Variants in INTS15 observed in about 807,000 individuals in gnomAD.
INTS15 encodes the protein integrator complex subunit 15, also known as uncharacterized protein C7orf26.
chr7:6,597,101 CT>C, the INTS15 span, among the ~76,000 whole-genome samples: 6 of 152,182 alleles, frequency 3.9e-5, no homozygotes, highest in Non-Finnish European at 7.3e-5. Flanking sequence ...TCATACTCTT[CT>C]TTTCCTAGCA....
chr7:6,596,202 C>A, the INTS15 span, among the ~76,000 whole-genome samples: 1 of 151,698 alleles, frequency 6.6e-6, no homozygotes, highest in East Asian at 1.9e-4. Flanking sequence ...ACTACAGGCG[C>A]GCACCACCAT....
At chr7:6,602,656 A>C in the INTS15 span, 1 of 470,634 alleles carries the variant, frequency 2.1e-6, no homozygotes, top group South Asian at 1.5e-5. Context: ...CTGTTCCCTG[A>C]CTCACAGGAC....
the INTS15 span, among the ~76,000 whole-genome samples, chr7:6,593,336 T>G: frequency 6.6e-6 from 1 of 150,938 alleles, no homozygotes; most frequent in Non-Finnish European, 1.5e-5. Flanking sequence ...GTGGTTTTTT[T>G]TTTTTTTTTT....
the INTS15 span, chr7:6,590,358 C>A: frequency 1.2e-6 from 2 of 1,606,704 alleles, no homozygotes; most frequent in Non-Finnish European, 1.7e-6. Context: ...ACCACCTGGA[C>A]ATCTACTTCA....
At chr7:6,592,934 T>G in the INTS15 span, among the ~76,000 whole-genome samples, 1 of 152,064 alleles carries the variant, frequency 6.6e-6, no homozygotes, top group Non-Finnish European at 1.5e-5. Flanking sequence ...TAAGAGAAAT[T>G]TAGCAAGTAC....
chr7:6,598,447 C>T, the INTS15 span, among the ~76,000 whole-genome samples: 76 of 126,432 alleles, frequency 6.0e-4, no homozygotes, highest in Admixed American at 7.4e-3. Flanking sequence ...CCAGCCTGGA[C>T]AACAGAGTGG....
the INTS15 span, among the ~76,000 whole-genome samples, chr7:6,598,879 C>T: frequency 6.6e-6 from 1 of 151,638 alleles, no homozygotes; most frequent in African/African-American, 2.4e-5. Flanking sequence ...CTTCACCTCC[C>T]AGTATCAAGT....
the INTS15 span, chr7:6,601,990 T>C: frequency 2.2e-5 from 20 of 921,882 alleles, no homozygotes; most frequent in Middle Eastern, 2.1e-4. Context: ...TAGGGAAATG[T>C]AGTATGAGGC....
At chr7:6,594,544 C>T in the INTS15 span, 4 of 1,614,066 alleles carry the variant, frequency 2.5e-6, no homozygotes, top group Non-Finnish European at 3.4e-6. Flanking sequence ...AGTGCCAGCC[C>T]GAGATTCTGC....
chr7:6,593,663 T>C, the INTS15 span, among the ~76,000 whole-genome samples: 107 of 150,538 alleles, frequency 7.1e-4, no homozygotes, highest in Non-Finnish European at 1.2e-3. Flanking sequence ...TTTTTTTTTT[T>C]TTTGAGACGG....
chr7:6,597,998 C>G, the INTS15 span, among the ~76,000 whole-genome samples: 1 of 152,192 alleles, frequency 6.6e-6, no homozygotes, highest in Non-Finnish European at 1.5e-5. Context: ...ACTGAGGACT[C>G]ATGAAGCGAA....
the INTS15 span, among the ~76,000 whole-genome samples, chr7:6,592,581 T>C: frequency 1.3e-5 from 2 of 152,034 alleles, no homozygotes; most frequent in African/African-American, 4.8e-5. Flanking sequence ...AAAAAACTTT[T>C]TTTTTAAATT....
the INTS15 span, among the ~76,000 whole-genome samples, chr7:6,598,611 G>A: frequency 6.6e-6 from 1 of 152,114 alleles, no homozygotes; most frequent in African/African-American, 2.4e-5. Context: ...CCAGAGAGAG[G>A]GGGCTGAGGA....
the INTS15 span, chr7:6,594,358 G>A: frequency 6.9e-7 from 1 of 1,449,952 alleles, no homozygotes. Flanking sequence ...TCTGGAGGTG[G>A]TCACTGTGTG....
the INTS15 span, among the ~76,000 whole-genome samples, chr7:6,592,428 G>A: frequency 5.0e-4 from 76 of 151,112 alleles, 1 homozygote; most frequent in East Asian, 0.012. Context: ...TTAGCCAGGC[G>A]TGGTAGCACG....
the INTS15 span, among the ~76,000 whole-genome samples, chr7:6,597,111 C>T: frequency 6.6e-6 from 1 of 152,170 alleles, no homozygotes; most frequent in Non-Finnish European, 1.5e-5. Flanking sequence ...CTTTTCCTAG[C>T]AGTTTCCTCG....
the INTS15 span, chr7:6,608,099 C>T: frequency 1.3e-6 from 2 of 1,535,600 alleles, no homozygotes; most frequent in Non-Finnish European, 1.8e-6. Context: ...CCCCGCCCTG[C>T]CCACGCATCC....
At chr7:6,591,186 C>G in the INTS15 span, among the ~76,000 whole-genome samples, 4 of 151,798 alleles carry the variant, frequency 2.6e-5, no homozygotes, top group South Asian at 2.1e-4. Flanking sequence ...GAGACCTGAG[C>G]TTTACGAAGG....
the INTS15 span, among the ~76,000 whole-genome samples, chr7:6,599,580 A>G: frequency 1.3e-5 from 2 of 152,182 alleles, no homozygotes; most frequent in East Asian, 1.9e-4. Flanking sequence ...AGACTTAAGT[A>G]TTTCTGCAGC....
Sources: gnomAD v4.1 joint callset for allele counts (sites outside exome capture counted in the v4.1 genomes callset) on GRCh38, gnomAD v4.1.1 for gene constraint, MANE v1.5 for transcripts, NCBI Gene and HGNC (gene_info 2026-07-23, HGNC 2026-07-21) for gene names.